ADGRG5: variants seen among roughly 807,000 people sequenced by gnomAD.
ADGRG5 encodes the protein G protein-coupled receptor 114.
ADGRG5 carries 37 observed loss-of-function variants against 53.2 expected under a neutral mutation model. That is an observed-to-expected ratio of 0.70 (90% confidence interval 0.53 to 0.91). The LOEUF (loss-of-function observed/expected upper bound fraction) is 0.91, where lower values mean the gene tolerates loss of function less well. Ranked by LOEUF, ADGRG5 falls within the 40% of genes least tolerant of loss-of-function variation. The pLI is 0.00. For synonymous variants in ADGRG5, 277 were observed against 290.4 expected, an observed-to-expected ratio of 0.95 and a Z score of 0.47; for missense variants, 614 against 675.8, an observed-to-expected ratio of 0.91 and a Z score of 1.01.
chr16:57,545,972 C>T (rs142514248), intron 1 of ADGRG5, among the ~76,000 whole-genome samples: 251 of 152,112 alleles, frequency 1.7e-3, no homozygotes, highest in African/African-American at 5.8e-3. Context: ...ATTACAGGCA[C>T]GCTCCACTGC....
chr16:57,544,905 G>A (rs953371076), intron 1 of ADGRG5, among the ~76,000 whole-genome samples: 13 of 152,240 alleles, frequency 8.5e-5, no homozygotes, highest in Admixed American at 3.9e-4. Flanking sequence ...CTGAGTAGCT[G>A]GGACCACAGG....
chr16:57,563,951 T>C lies in ADGRG5; in HGVS notation c.401T>C (p.Ile134Thr), dbSNP rs200552943. The C allele has an allele frequency of 1.1e-4, 182 of 1,613,676 alleles. No individual in the cohort carries two copies. The highest frequency in any genetic ancestry group is 1.5e-4 in the Non-Finnish European group (175 of 1,179,770). The change falls in exon 5 of 12, where the codon ATC becomes ACC. Residue 134 changes from isoleucine to threonine, a missense_variant. By Grantham distance (89) the Ile-to-Thr change is moderately conservative. Coordinates refer to ENST00000349457, the MANE Select transcript of ADGRG5 (RefSeq NM_001304376.3). The stretch of plus-strand genomic sequence containing the variant: ...CCCAGGGAGCTGCGGCTCATCTGTA[T>C]CTACTTCTCCAACACCCACTTTTTC... Reference protein sequence around the residue: ...TRPRELRLICIYFSNTHFFKD... With the variant: ...TRPRELRLICTYFSNTHFFKD...
chr16:57,534,964 T>G, the ADGRG5 span, among the ~76,000 whole-genome samples: 1 of 152,214 alleles, frequency 6.6e-6, no homozygotes. Context: ...TGCCAAGGCC[T>G]GGACAGGGGC....
At chr16:57,547,353 A>G (rs911367647) in intron 1 of ADGRG5, among the ~76,000 whole-genome samples, 3 of 152,232 alleles carry the variant, frequency 2.0e-5, no homozygotes, top group Non-Finnish European at 4.4e-5. Flanking sequence ...ATAATTTTTC[A>G]TAAATGAGAT....
chr16:57,566,789 G>A (rs765271809), intron 7 of ADGRG5, 38 bp downstream of exon 7: 3 of 1,401,008 alleles, frequency 2.1e-6, no homozygotes, highest in Non-Finnish European at 2.8e-6. Flanking sequence ...GAGCTACAGA[G>A]GGCCCTGTGT....
rs202222443 is a variant in ADGRG5 at position 57,571,208 on chromosome 16, T to TG, written c.1208+674dup. On this transcript the variant is annotated intron_variant, in intron 10 of 11. Transcript: ENST00000349457. ...TGGAACCTTTTTCCTTCTTGGCTGA[T>TG]GCAGGCTCAGGATGGGGGCTGATTC... Among the ~76,000 whole-genome samples, 476 of 152,332 alleles carry TG rather than the reference T, an allele frequency of 3.1e-3. 5 individuals are homozygous for TG. Among genetic ancestry groups the TG allele is most frequent in the East Asian group, 0.022 (115 of 5,186 alleles).
rs778337172 is a variant in ADGRG5, at chr16:57,563,265, G to C, written c.297+18G>C. ...TGCCCCAGGTCAGAGGCTGCGGGTTGGGGGGTGTGGCCAGCTGCCCCGCCC... is the reference window on the plus strand; with the variant it reads ...TGCCCCAGGTCAGAGGCTGCGGGTTCGGGGGTGTGGCCAGCTGCCCCGCCC... On this transcript the variant is annotated intron_variant, in intron 4 of 11. Coordinates refer to ENST00000349457, the MANE Select transcript of ADGRG5 (RefSeq NM_001304376.3). The C allele has an allele frequency of 8.7e-6, 14 of 1,608,536 alleles. No individual in the cohort carries two copies. In the South Asian group the frequency reaches 1.1e-4, roughly 13 times the overall value.
At chr16:57,537,260 G>A in the ADGRG5 span, among the ~76,000 whole-genome samples, 1 of 151,944 alleles carries the variant, frequency 6.6e-6, no homozygotes, top group African/African-American at 2.4e-5. Context: ...TGGAAAGCCG[G>A]GACAGGCGTC....
chr16:57,557,909 C>T (rs1170400896), intron 1 of ADGRG5, among the ~76,000 whole-genome samples: 1 of 152,184 alleles, frequency 6.6e-6, no homozygotes, highest in Non-Finnish European at 1.5e-5. Flanking sequence ...ACATATTTAT[C>T]AGAGCTATCT....
chr16:57,545,231 A>T (rs972587692), intron 1 of ADGRG5, among the ~76,000 whole-genome samples: 7 of 152,266 alleles, frequency 4.6e-5, no homozygotes, highest in Non-Finnish European at 1.0e-4. Flanking sequence ...ATATATATTT[A>T]AAAAATTCAT....
rs1454705916 is a variant in ADGRG5 at position 57,577,120 on chromosome 16, G to T, written c.*1582G>T. 1.3e-5 allele frequency: 2 copies of T among 152,206 alleles called. No homozygotes were observed. Among genetic ancestry groups the T allele is most frequent in the African/African-American group, 2.4e-5 (1 of 41,438 alleles). 9.4% of individuals were successfully genotyped at this position (152,206 alleles called of 1,614,324 possible). ...TATTTGTAAAATAGAGGCCATAGTG[G>T]TACCTATTTTGAAGACTAAGTAAAA... is the stretch of plus-strand genomic sequence containing the variant. On this transcript the variant is annotated 3_prime_UTR_variant, in exon 12 of 12. Coordinates refer to ENST00000349457, the MANE Select transcript of ADGRG5 (RefSeq NM_001304376.3).
rs2033461845 is a variant in ADGRG5 at position 57,574,696 on chromosome 16, G to A, written c.1209-119G>A. On this transcript the variant is annotated intron_variant, in intron 10 of 11. Transcript: ENST00000349457. This position sits in a 1 kb window ranked among gnomAD's most constrained non-coding sequence, Gnocchi z 4.4. ...GGTGAGGGGTTTCACTGTGTGTTCA[G>A]TCAGGCAAGAAACAATAGGGCCTGA... 8.8e-7 allele frequency: 1 copy of A among 1,138,980 alleles called. No homozygotes were observed. 70.6% of individuals were successfully genotyped at this position (1,138,980 alleles called of 1,614,324 possible).
chr16:57,547,328 A>G (rs1296002484), intron 1 of ADGRG5, among the ~76,000 whole-genome samples: 1 of 152,250 alleles, frequency 6.6e-6, no homozygotes, highest in African/African-American at 2.4e-5. Flanking sequence ...AATATGCTTC[A>G]GCATGCATAC....
intron 1 of ADGRG5, among the ~76,000 whole-genome samples, chr16:57,547,472 G>A (rs1207092960): frequency 6.6e-6 from 1 of 152,166 alleles, no homozygotes; most frequent in Non-Finnish European, 1.5e-5. Context: ...TTGAGACGGA[G>A]TCTCGCTCTG....
rs1402294415 is a variant in ADGRG5, at chr16:57,574,672, G to A, written c.1209-143G>A. On this transcript the variant is annotated intron_variant, in intron 10 of 11. Coordinates refer to ENST00000349457, the MANE Select transcript of ADGRG5 (RefSeq NM_001304376.3). This position sits in a 1 kb window ranked among gnomAD's most constrained non-coding sequence, Gnocchi z 4.4. ...GATGGTGGCCTGGCTGGAAAGCCGG[G>A]TGAGGGGTTTCACTGTGTGTTCAGT... 3 of 868,056 alleles carry A rather than the reference G, an allele frequency of 3.5e-6. No homozygotes were observed. The highest frequency in any genetic ancestry group is 3.4e-5 in the African/African-American group (2 of 58,532). The allele number at this position is 868,056 out of a possible 1,614,324, so 53.8% of individuals were successfully genotyped here.
chr16:57,571,617 C>T (rs964089673), intron 10 of ADGRG5, among the ~76,000 whole-genome samples: 1 of 151,740 alleles, frequency 6.6e-6, no homozygotes, highest in African/African-American at 2.4e-5. Flanking sequence ...GCTCTGGCCT[C>T]AGTTTACATA....
At chr16:57,540,878 C>T (rs151079306), upstream of ADGRG5, among the ~76,000 whole-genome samples, 2,481 of 152,220 alleles carry the variant, frequency 0.016, 28 homozygotes, top group Middle Eastern at 0.051. Context: ...GCAACCTCCA[C>T]CTCCCGGGTT....
chr16:57,550,885 G>A (rs569347256), intron 1 of ADGRG5, among the ~76,000 whole-genome samples: 11 of 152,154 alleles, frequency 7.2e-5, no homozygotes, highest in East Asian at 3.9e-4. Flanking sequence ...AAAATTAGCC[G>A]AGCATGGTGG....
At chr16:57,548,415 A>C (rs2032670153) in intron 1 of ADGRG5, among the ~76,000 whole-genome samples, 1 of 152,126 alleles carries the variant, frequency 6.6e-6, no homozygotes, top group Non-Finnish European at 1.5e-5. Flanking sequence ...ATTCTGTATT[A>C]TACTCACTCA....
Sources: gnomAD v4.1 joint callset for allele counts (sites outside exome capture counted in the v4.1 genomes callset) on GRCh38, gnomAD v4.1.1 for gene constraint, Gnocchi (gnomAD v3.1) non-coding constraint, MANE v1.5 for transcripts, NCBI Gene and HGNC (gene_info 2026-07-23, HGNC 2026-07-21) for gene names.